The following PHLPP1 variants were observed in gnomAD, a reference collection of about 807,000 sequenced individuals.
PHLPP1 encodes the protein PH domain and leucine rich repeat protein phosphatase 1.
Under a neutral mutation model 117.2 loss-of-function variants are expected in PHLPP1, and 42 were observed. That is an observed-to-expected ratio of 0.36 (90% CI 0.28 to 0.46). PHLPP1 has a LOEUF of 0.46. PHLPP1 is among the 20% of genes least tolerant of loss of function. The pLI, the probability that PHLPP1 is intolerant of heterozygous loss-of-function variation, is 1.00. For missense variants in PHLPP1, 2,084 were observed against 2,241.9 expected, an observed-to-expected ratio of 0.93 and a Z score of 1.42; for synonymous variants, 1,042 against 970.7, an observed-to-expected ratio of 1.07 and a Z score of -1.37.
At chr18:62,972,981 T>G (rs1911096350) in intron 15 of PHLPP1, among the ~76,000 whole-genome samples, 1 of 152,214 alleles carries the variant, frequency 6.6e-6, no homozygotes, top group Non-Finnish European at 1.5e-5. Flanking sequence ...CTGTGTTGAT[T>G]GCAGATTTTC....
intron 9 of PHLPP1, among the ~76,000 whole-genome samples, chr18:62,918,162 C>T (rs887494183): frequency 6.4e-5 from 9 of 141,518 alleles, no homozygotes; most frequent in African/African-American, 2.1e-4. Flanking sequence ...GCCAAGATTG[C>T]GCCATTGCAC....
At chr18:62,771,865 C>T (rs897056729) in intron 1 of PHLPP1, among the ~76,000 whole-genome samples, 1 of 152,362 alleles carries the variant, frequency 6.6e-6, no homozygotes, top group African/African-American at 2.4e-5. Flanking sequence ...TCAATAAGCA[C>T]TTCTTCTGCA....
At chr18:62,728,504 CT>C (rs761250873) in intron 1 of PHLPP1, among the ~76,000 whole-genome samples, 388 of 137,904 alleles carry the variant, frequency 2.8e-3, no homozygotes, top group Admixed American at 4.3e-3. Context: ...TTATCTTTAT[CT>C]TTTTTTTTTT....
intron 1 of PHLPP1, among the ~76,000 whole-genome samples, chr18:62,820,961 T>G (rs1914434764): frequency 6.6e-6 from 1 of 152,212 alleles, no homozygotes; most frequent in African/African-American, 2.4e-5. Context: ...GAAAGATAGC[T>G]GGAAAATCTT....
intron 14 of PHLPP1, among the ~76,000 whole-genome samples, chr18:62,964,617 T>C (rs1171242832): frequency 6.6e-6 from 1 of 152,206 alleles, no homozygotes; most frequent in Admixed American, 6.5e-5. Flanking sequence ...GCCTCAGTTC[T>C]GCCTGGGCTC....
At chr18:62,794,736 T>C (rs1370433266) in intron 1 of PHLPP1, among the ~76,000 whole-genome samples, 1 of 152,154 alleles carries the variant, frequency 6.6e-6, no homozygotes, top group Non-Finnish European at 1.5e-5. Context: ...TTTACACAAA[T>C]GACTCAGTTT....
At chr18:62,827,013 A>G (rs534169781) in intron 1 of PHLPP1, among the ~76,000 whole-genome samples, 8 of 152,248 alleles carry the variant, frequency 5.3e-5, no homozygotes, top group Admixed American at 2.6e-4. Context: ...AAATAAATAA[A>G]TAAAATAAAA....
chr18:62,856,250 A>G (rs962927706), intron 3 of PHLPP1, among the ~76,000 whole-genome samples: 10 of 152,100 alleles, frequency 6.6e-5, no homozygotes, highest in Admixed American at 5.2e-4. Context: ...CACACTTCTC[A>G]GAACCTTTCC....
intron 12 of PHLPP1, among the ~76,000 whole-genome samples, chr18:62,953,089 G>T (rs1910510273): frequency 6.6e-6 from 1 of 152,180 alleles, no homozygotes; most frequent in Non-Finnish European, 1.5e-5. Context: ...GGAATGTATA[G>T]TAGTTTAAGA....
chr18:62,799,220 A>G (rs958510956), intron 1 of PHLPP1, among the ~76,000 whole-genome samples: 1 of 152,188 alleles, frequency 6.6e-6, no homozygotes, highest in Non-Finnish European at 1.5e-5. Flanking sequence ...CAATGAAAGG[A>G]TACTAAAAAT....
chr18:62,953,586 G>T (rs1015008219), intron 12 of PHLPP1, among the ~76,000 whole-genome samples: 3 of 152,158 alleles, frequency 2.0e-5, no homozygotes, highest in Admixed American at 1.3e-4. Flanking sequence ...CACTATCTTG[G>T]GAGTTCCTCA....
chr18:62,830,733 G>A (rs1914736729), intron 2 of PHLPP1, among the ~76,000 whole-genome samples: 1 of 152,128 alleles, frequency 6.6e-6, no homozygotes, highest in South Asian at 2.1e-4. Flanking sequence ...GATGATTATT[G>A]TTTCATTAGT....
At chr18:62,743,764 C>G (rs939699985) in intron 1 of PHLPP1, among the ~76,000 whole-genome samples, 1 of 152,034 alleles carries the variant, frequency 6.6e-6, no homozygotes, top group African/African-American at 2.4e-5. Context: ...TCTTCCCTCT[C>G]CTCTTCCACC....
At chr18:62,730,760 C>G (rs1259496014) in intron 1 of PHLPP1, among the ~76,000 whole-genome samples, 9 of 144,606 alleles carry the variant, frequency 6.2e-5, no homozygotes, top group Non-Finnish European at 1.3e-4. Context: ...CCATTGCACT[C>G]TAGCCTGGGC....
intron 10 of PHLPP1, among the ~76,000 whole-genome samples, chr18:62,931,526 A>G (rs1487700849): frequency 6.6e-6 from 1 of 152,030 alleles, no homozygotes; most frequent in African/African-American, 2.4e-5. Flanking sequence ...CCAAAAAAAA[A>G]AAAGAGTCAG....
At chr18:62,829,067 C>G (rs1422839248) in intron 1 of PHLPP1, among the ~76,000 whole-genome samples, 3 of 152,216 alleles carry the variant, frequency 2.0e-5, no homozygotes, top group Non-Finnish European at 4.4e-5. Flanking sequence ...GAAGACTCTT[C>G]AGACCTTTCT....
rs746832420 is a variant in PHLPP1, at chr18:62,830,137, G to A, written c.1679G>A (p.Arg560His). Residue 560 changes from arginine (R) to histidine (H), a missense_variant, in exon 2 of 17, where the codon CGC (arginine) becomes CAC (histidine). Coordinates refer to ENST00000262719, the MANE Select transcript of PHLPP1 (RefSeq NM_194449.4). ...TTGCCAGTGAACCGATGGACAAGAC[G>A]CCAAGTCATCCTATGTGGGACCTGC... ...MQLPVNRWTRRQVILCGTCLI... is the reference protein window; with the variant it reads ...MQLPVNRWTRHQVILCGTCLI... The A allele has an allele frequency of 9.3e-6, 15 of 1,609,728 alleles. No individual in the cohort carries two copies. The highest frequency in any genetic ancestry group is 3.4e-5 in the Admixed American group (2 of 59,402).
At chr18:62,858,584 G>C (rs919294338) in intron 3 of PHLPP1, among the ~76,000 whole-genome samples, 1 of 152,064 alleles carries the variant, frequency 6.6e-6, no homozygotes, top group African/African-American at 2.4e-5. Flanking sequence ...ATCTTAGGCA[G>C]ATTTACTTCT....
At chr18:62,717,693 T>G (rs1020821430) in intron 1 of PHLPP1, among the ~76,000 whole-genome samples, 1 of 152,146 alleles carries the variant, frequency 6.6e-6, no homozygotes, top group African/African-American at 2.4e-5. Flanking sequence ...CATTTGACTG[T>G]CCAGTTGAGC....
Sources: allele counts gnomAD v4.1 joint callset (sites outside exome capture counted in the v4.1 genomes callset), GRCh38; gene constraint gnomAD v4.1.1; transcripts MANE v1.5; gene names NCBI Gene and HGNC (gene_info 2026-07-23, HGNC 2026-07-21).